The following FTO variants were observed in gnomAD, a reference collection of about 807,000 sequenced individuals.
FTO encodes alpha-ketoglutarate-dependent dioxygenase FTO.
In FTO, 47 loss-of-function variants were observed where a neutral mutation model predicts 63.9. The observed-to-expected ratio is 0.74, with a 90% CI of 0.58 to 0.94. The LOEUF is 0.94. FTO is among the 40% of genes least tolerant of loss of function. FTO has a pLI of 0.00. For missense variants in FTO, 562 were observed against 618.1 expected (o/e 0.91, Z 0.96); for synonymous variants, 207 against 224.4 (o/e 0.92, Z 0.69).
intron 7 of FTO, among the ~76,000 whole-genome samples, chr16:53,906,854 T>G (rs932988164): frequency 6.6e-6 from 1 of 152,156 alleles, no homozygotes; most frequent in Non-Finnish European, 1.5e-5. Flanking sequence ...CAGGTCTTCA[T>G]GCCAGAAGGA....
At chr16:53,970,898 C>T (rs1295529280) in intron 8 of FTO, among the ~76,000 whole-genome samples, 1 of 152,236 alleles carries the variant, frequency 6.6e-6, no homozygotes, top group South Asian at 2.1e-4. Context: ...ATACATAATG[C>T]AGAACATAAG....
intron 8 of FTO, among the ~76,000 whole-genome samples, chr16:53,942,870 A>G (rs546565074): frequency 1.3e-5 from 2 of 152,174 alleles, no homozygotes; most frequent in South Asian, 4.1e-4. Context: ...ACAGCTGGTT[A>G]GTTGGAAACT....
intron 8 of FTO, among the ~76,000 whole-genome samples, chr16:54,014,426 T>C (rs1046788904): frequency 6.6e-6 from 1 of 152,086 alleles, no homozygotes; most frequent in Non-Finnish European, 1.5e-5. Context: ...TTTCTCTCTC[T>C]CCGTGTGATG....
At chr16:54,071,574 C>T (rs1254602114) in intron 8 of FTO, 1 of 152,090 alleles carries the variant, frequency 6.6e-6, no homozygotes, top group East Asian at 1.9e-4. Context: ...TGTAACCATC[C>T]CGCCTGACCA....
At chr16:53,962,100 G>A (rs143378988) in intron 8 of FTO, among the ~76,000 whole-genome samples, 1 of 152,304 alleles carries the variant, frequency 6.6e-6, no homozygotes, top group Non-Finnish European at 1.5e-5. Flanking sequence ...GATTATTTTA[G>A]ACTTTTCAAT....
intron 4 of FTO, among the ~76,000 whole-genome samples, chr16:53,858,760 A>C (rs551576580): frequency 6.6e-6 from 1 of 152,192 alleles, no homozygotes; most frequent in Non-Finnish European, 1.5e-5. Flanking sequence ...TCCTGGGTTC[A>C]AATGATTCTC....
intron 8 of FTO, among the ~76,000 whole-genome samples, chr16:54,058,653 C>A (rs550718390): frequency 6.6e-6 from 1 of 152,190 alleles, no homozygotes; most frequent in Non-Finnish European, 1.5e-5. Context: ...ATACCATCCT[C>A]CTGCAGGTAT....
chr16:54,061,005 A>G (rs1447753151), intron 8 of FTO, among the ~76,000 whole-genome samples: 1 of 152,196 alleles, frequency 6.6e-6, no homozygotes, highest in African/African-American at 2.4e-5. Flanking sequence ...TCGATGGGCA[A>G]CAGACCAGGC....
chr16:54,107,307 G>A (rs1366464928), intron 8 of FTO, among the ~76,000 whole-genome samples: 1 of 152,108 alleles, frequency 6.6e-6, no homozygotes, highest in Non-Finnish European at 1.5e-5. Context: ...AGGGGAAACT[G>A]TAACTTTCTA....
intron 3 of FTO, among the ~76,000 whole-genome samples, chr16:53,828,874 G>T (rs2079075411): frequency 6.6e-6 from 1 of 152,070 alleles, no homozygotes; most frequent in African/African-American, 2.4e-5. Flanking sequence ...CCGTCTCAGG[G>T]ATTTTATTTT....
chr16:53,855,639 G>A (rs894270946), intron 4 of FTO, among the ~76,000 whole-genome samples: 2 of 152,008 alleles, frequency 1.3e-5, no homozygotes, highest in African/African-American at 4.8e-5. Flanking sequence ...GAAAGGTTTT[G>A]AAATTCCTTC....
intron 8 of FTO, among the ~76,000 whole-genome samples, chr16:54,110,755 C>T (rs372193277): frequency 2.0e-5 from 3 of 152,082 alleles, no homozygotes; most frequent in Non-Finnish European, 4.4e-5. Context: ...GGAGAGAAGG[C>T]GGGGGTGGAG....
chr16:53,835,667 G>A (rs914161017), intron 3 of FTO, among the ~76,000 whole-genome samples: 10 of 151,944 alleles, frequency 6.6e-5, no homozygotes, highest in African/African-American at 1.2e-4. Context: ...CTGTCATTGT[G>A]TAGGGCTTTC....
chr16:54,018,413 CAT>C, intron 8 of FTO, among the ~76,000 whole-genome samples: 1 of 75,240 alleles, frequency 1.3e-5, no homozygotes, highest in Non-Finnish European at 2.6e-5. Flanking sequence ...TAGATAGATA[CAT>C]ACATACATAC....
At position 54,063,621 on chromosome 16, in the gene FTO, T is replaced by C. The variant is rs551685565; in HGVS notation, c.1365-48141T>C. Reference sequence around the variant, plus strand: ...AAACATAAGCGATAAGAGTCAAACCTCATTGGGTCACTGTCAGCCATTTGG... The same window carrying C: ...AAACATAAGCGATAAGAGTCAAACCCCATTGGGTCACTGTCAGCCATTTGG... On this transcript the variant is annotated intron_variant, in intron 8 of 8. Transcript: ENST00000471389. 13 of 151,896 alleles carry C rather than the reference T, an allele frequency of 8.6e-5. 1 individual carries two copies. The South Asian group carries it at 2.5e-3, about 29-fold the overall frequency. The allele number at this position is 151,896 out of a possible 1,614,324, so 9.4% of individuals were successfully genotyped here. A position where few individuals can be genotyped will look rare whatever the true frequency, so the allele number is the denominator to read the frequency against.
chr16:53,934,312 A>G (rs1232622811), intron 8 of FTO, among the ~76,000 whole-genome samples: 2 of 152,216 alleles, frequency 1.3e-5, no homozygotes, highest in Non-Finnish European at 2.9e-5. Flanking sequence ...TCATCAGTAT[A>G]TTTACACAAT....
rs750272214 is a variant in FTO at position 53,934,197 on chromosome 16, C to T, written c.1364+88C>T. On this transcript the variant is annotated intron_variant, in intron 8 of 8. Coordinates refer to ENST00000471389, the MANE Select transcript of FTO (RefSeq NM_001080432.3). ...CCCTTCCTTATGGCTGGCCTCATCC[C>T]TTTCCTTTGAGGGCCCATGAAAAAT... The T allele has an allele frequency of 1.6e-4, 233 of 1,459,556 alleles. 1 individual carries two copies. The highest frequency in any genetic ancestry group is 2.2e-4 in the Non-Finnish European group (225 of 1,046,366). The allele number at this position is 1,459,556 out of a possible 1,614,324, so 90.4% of individuals were successfully genotyped here. A position where few individuals can be genotyped will look rare whatever the true frequency, so the allele number is the denominator to read the frequency against.
At chr16:54,096,905 T>C (rs1385800249) in intron 8 of FTO, among the ~76,000 whole-genome samples, 1 of 152,204 alleles carries the variant, frequency 6.6e-6, no homozygotes, top group Non-Finnish European at 1.5e-5. Context: ...CACAGACATT[T>C]AGTCCGTAAC....
At chr16:53,902,706 T>G (rs2081433188) in intron 7 of FTO, among the ~76,000 whole-genome samples, 1 of 152,200 alleles carries the variant, frequency 6.6e-6, no homozygotes, top group Non-Finnish European at 1.5e-5. Context: ...ATTGTCTTAT[T>G]CTGGCTACTC....
Sources: gnomAD v4.1 joint callset for allele counts (sites outside exome capture counted in the v4.1 genomes callset) on GRCh38, gnomAD v4.1.1 for gene constraint, MANE v1.5 for transcripts, NCBI Gene and HGNC (gene_info 2026-07-23, HGNC 2026-07-21) for gene names.